The following OXR1 variants were observed in gnomAD, a reference collection of about 807,000 sequenced individuals.
The protein encoded by OXR1 is oxidation resistance protein 1.
OXR1 carries 41 observed loss-of-function variants against 104.6 expected under a neutral mutation model. The ratio of observed to expected loss-of-function variants is 0.39; its 90% CI spans 0.31 to 0.51. The LOEUF (loss-of-function observed/expected upper bound fraction) is 0.51, where lower values mean the gene tolerates loss of function less well. Ranked by LOEUF, OXR1 falls within the 20% of genes least tolerant of loss-of-function variation. The probability of loss-of-function intolerance (pLI) is 0.77; values close to 1 mark genes in which losing one functional copy is unlikely to be tolerated. For missense variants in OXR1, 955 were observed against 1,031.9 expected (o/e 0.93, Z 1.02); for synonymous variants, 348 against 348.4 (o/e 1.00, Z 0.01).
intron 2 of OXR1, among the ~76,000 whole-genome samples, chr8:106,394,213 A>G (rs1422712059): frequency 2.0e-5 from 3 of 151,790 alleles, no homozygotes; most frequent in African/African-American, 7.3e-5. Flanking sequence ...TCATGACAAC[A>G]TGTTGCCCTT....
intron 6 of OXR1, among the ~76,000 whole-genome samples, chr8:106,684,782 A>G (rs1354002951): frequency 2.0e-5 from 3 of 152,168 alleles, no homozygotes; most frequent in Non-Finnish European, 4.4e-5. Flanking sequence ...ATAATTTATC[A>G]TCTTAGTCAT....
chr8:106,507,167 A>G (rs1812221617), intron 2 of OXR1, among the ~76,000 whole-genome samples: 1 of 152,232 alleles, frequency 6.6e-6, no homozygotes, highest in African/African-American at 2.4e-5. Context: ...GGAATCTATG[A>G]AAGTAGAATG....
At chr8:106,337,580 T>G (rs1338275965) in intron 1 of OXR1, among the ~76,000 whole-genome samples, 2 of 152,226 alleles carry the variant, frequency 1.3e-5, no homozygotes, top group East Asian at 3.9e-4. Context: ...GAAACTCTCA[T>G]TATGAAACAA....
At chr8:106,693,993 T>C (rs1829571712) in intron 7 of OXR1, among the ~76,000 whole-genome samples, 1 of 152,138 alleles carries the variant, frequency 6.6e-6, no homozygotes, top group Non-Finnish European at 1.5e-5. Flanking sequence ...AAATGTTGTG[T>C]TTTCATTTTC....
chr8:106,382,536 G>A (rs1413200366), intron 2 of OXR1, among the ~76,000 whole-genome samples: 1 of 152,026 alleles, frequency 6.6e-6, no homozygotes, highest in Non-Finnish European at 1.5e-5. Flanking sequence ...CAGCATTTTT[G>A]CGCTTGTTAG....
intron 2 of OXR1, among the ~76,000 whole-genome samples, chr8:106,488,742 G>A (rs1444804512): frequency 7.0e-6 from 1 of 143,738 alleles, no homozygotes; most frequent in East Asian, 2.1e-4. Context: ...GTAGTTATGT[G>A]GCATTATTTC....
chr8:106,484,420 T>C (rs1243900086), intron 2 of OXR1, among the ~76,000 whole-genome samples: 1 of 152,062 alleles, frequency 6.6e-6, no homozygotes, highest in Non-Finnish European at 1.5e-5. Context: ...CATAAACATG[T>C]ATTAATACAA....
At chr8:106,574,663 A>G (rs755741788) in intron 3 of OXR1, among the ~76,000 whole-genome samples, 15 of 152,238 alleles carry the variant, frequency 9.9e-5, no homozygotes, top group Non-Finnish European at 2.1e-4. Context: ...CCCATCCACC[A>G]AAGCTAAGTA....
At chr8:106,443,361 G>A (rs936948990) in intron 2 of OXR1, among the ~76,000 whole-genome samples, 5 of 152,036 alleles carry the variant, frequency 3.3e-5, no homozygotes, top group African/African-American at 9.7e-5. Context: ...GTGCCATGTG[G>A]TGCTGAGAAC....
intron 3 of OXR1, among the ~76,000 whole-genome samples, chr8:106,646,947 A>C (rs1457191883): frequency 6.6e-6 from 1 of 152,246 alleles, no homozygotes; most frequent in Admixed American, 6.5e-5. Flanking sequence ...AGTGAAACTG[A>C]TCCAAAAGCT....
intron 11 of OXR1, among the ~76,000 whole-genome samples, chr8:106,715,175 A>T (rs1440483351): frequency 6.6e-6 from 1 of 151,994 alleles, no homozygotes; most frequent in African/African-American, 2.4e-5. Context: ...GAATTTTACA[A>T]ATAATATGTT....
At chr8:106,591,183 A>G (rs1166282326) in intron 3 of OXR1, among the ~76,000 whole-genome samples, 2 of 150,966 alleles carry the variant, frequency 1.3e-5, no homozygotes, top group Non-Finnish European at 2.9e-5. Flanking sequence ...AAACTATCGC[A>G]AGGACAAAAA....
intron 3 of OXR1, among the ~76,000 whole-genome samples, chr8:106,674,993 A>G (rs1045603187): frequency 2.0e-5 from 3 of 152,200 alleles, no homozygotes; most frequent in African/African-American, 7.2e-5. Context: ...ACATAAGGAT[A>G]CAGAAATGTT....
intron 1 of OXR1, among the ~76,000 whole-genome samples, chr8:106,337,752 A>G (rs1411032212): frequency 6.6e-6 from 1 of 152,208 alleles, no homozygotes; most frequent in African/African-American, 2.4e-5. Flanking sequence ...TTTCCTAACA[A>G]AGAAAGTGGA....
At chr8:106,425,547 T>C (rs1819080484) in intron 2 of OXR1, among the ~76,000 whole-genome samples, 1 of 152,142 alleles carries the variant, frequency 6.6e-6, no homozygotes, top group Admixed American at 6.5e-5. Context: ...TCCGCATCAT[T>C]ATTGGTCTTG....
At chr8:106,404,273 A>G (rs555675846) in intron 2 of OXR1, among the ~76,000 whole-genome samples, 1 of 152,240 alleles carries the variant, frequency 6.6e-6, no homozygotes, top group South Asian at 2.1e-4. Flanking sequence ...GACTTCTTCT[A>G]CGGGTAAAGA....
At chr8:106,730,483 A>G (rs924005700) in intron 11 of OXR1, among the ~76,000 whole-genome samples, 1 of 151,936 alleles carries the variant, frequency 6.6e-6, no homozygotes, top group African/African-American at 2.4e-5. Flanking sequence ...ATCATATAGT[A>G]CGTAGCCTTT....
chr8:106,487,335 A>AT (rs1187939931), intron 2 of OXR1, among the ~76,000 whole-genome samples: 5 of 40,220 alleles, frequency 1.2e-4, no homozygotes, highest in Non-Finnish European at 1.6e-4. Flanking sequence ...TAAACCAGGT[A>AT]TTTCTTTTTT....
At chr8:106,274,998 C>A (rs1395282191) in intron 1 of OXR1, among the ~76,000 whole-genome samples, 2 of 152,246 alleles carry the variant, frequency 1.3e-5, no homozygotes, top group Admixed American at 1.3e-4. Context: ...CTGTTCTAGA[C>A]ACTGGGACTC....
Sources: gnomAD v4.1 joint callset for allele counts (sites outside exome capture counted in the v4.1 genomes callset) on GRCh38, gnomAD v4.1.1 for gene constraint, MANE v1.5 for transcripts, NCBI Gene and HGNC (gene_info 2026-07-23, HGNC 2026-07-21) for gene names.